Variants in TEX14 observed in about 807,000 individuals in gnomAD.
The protein encoded by TEX14 is testis expressed 14, intercellular bridge forming factor.
Under a neutral mutation model 178.6 loss-of-function variants are expected in TEX14, and 168 were observed. That is an observed-to-expected ratio of 0.94 (90% CI 0.83 to 1.07). The LOEUF (loss-of-function observed/expected upper bound fraction) is 1.07, where lower values mean the gene tolerates loss of function less well. Ranked by LOEUF, TEX14 falls within the 50% of genes least tolerant of loss-of-function variation. The pLI is 0.00. For missense variants in TEX14, 1,730 were observed against 1,753.6 expected (o/e 0.99, Z 0.24); for synonymous variants, 626 against 634.1 (o/e 0.99, Z 0.19).
chr17:58,631,424 G>A (rs1274735682), intron 2 of TEX14, among the ~76,000 whole-genome samples: 3 of 152,004 alleles, frequency 2.0e-5, no homozygotes, highest in Non-Finnish European at 4.4e-5. Context: ...TTGCACTCCA[G>A]GACCACAGAA....
rs1020802020 is a variant in TEX14, at chr17:58,641,350, C to T, written c.136+10516G>A. On this transcript the variant is annotated intron_variant, in intron 2 of 31. Transcript: ENST00000349033. The stretch of plus-strand genomic sequence containing the variant: ...ACTTGAATCTGGGAGGAGGAGGTTG[C>T]GATGAGCCAAGATTGGCCACTGCAC... Among the ~76,000 whole-genome samples, 5 of 151,636 alleles carry T rather than the reference C, an allele frequency of 3.3e-5. No homozygotes were observed. The East Asian group carries it at 5.9e-4, about 18-fold the overall frequency.
chr17:58,614,509 T>G (rs995086364), intron 8 of TEX14, among the ~76,000 whole-genome samples: 1 of 151,900 alleles, frequency 6.6e-6, no homozygotes, highest in African/African-American at 2.4e-5. Flanking sequence ...GCAAAAAAAA[T>G]AGGAAGAAAT....
At chr17:58,629,472 A>AG (rs1458021870) in intron 3 of TEX14, among the ~76,000 whole-genome samples, 1 of 150,406 alleles carries the variant, frequency 6.6e-6, no homozygotes, top group African/African-American at 2.4e-5. Context: ...AAAAAAAAAA[A>AG]AAAAAGTAGA....
chr17:58,630,507 C>T lies in TEX14; in HGVS notation c.184G>A (p.Val62Ile). The part of the protein sequence containing the change: ...VNSLGQTALF[V>I]AALLGLRKFV... ...TTCCTAAGGCCCAATAACGCCGCAA[C>T]AAAAAGTGCTGTTTGGCCCAAGGAG... is the stretch of plus-strand genomic sequence containing the variant. Residue 62 changes from valine (V) to isoleucine (I), a missense_variant, in exon 3 of 32, where the codon GTT becomes ATT. Val to Ile is a conservative substitution (Grantham distance 29). Around this residue, in one of 2 missense-constraint regions of TEX14, gnomAD observed 789 missense variants for 681.2 expected, o/e 1.16. Coordinates refer to ENST00000349033, the MANE Select transcript of TEX14 (RefSeq NM_031272.5). 1 of 1,614,050 alleles carries T rather than the reference C, an allele frequency of 6.2e-7. No homozygotes were observed. The highest frequency in any genetic ancestry group is 8.5e-7 in the Non-Finnish European group (1 of 1,179,980).
chr17:58,644,356 G>A (rs1009344996), intron 2 of TEX14, among the ~76,000 whole-genome samples: 3 of 152,070 alleles, frequency 2.0e-5, no homozygotes, highest in African/African-American at 4.8e-5. Context: ...TTTTTGAGAC[G>A]GAGTCTCGCT....
intron 2 of TEX14, 117 bp downstream of exon 2, chr17:58,651,749 A>T: frequency 1.0e-6 from 1 of 968,726 alleles, no homozygotes; most frequent in Non-Finnish European, 1.5e-6. Flanking sequence ...TAATTTCTAC[A>T]TTTAATTTCT....
chr17:58,573,456 T>C (rs779802418), intron 22 of TEX14, 148 bp from the exon 23 acceptor site: 2 of 698,972 alleles, frequency 2.9e-6, no homozygotes, highest in Non-Finnish European at 4.8e-6. Flanking sequence ...GAACATCTTA[T>C]GTATCTTAAA....
Position 58,629,596 on chromosome 17 carries a change from G to A in TEX14, c.251+844C>T, listed in dbSNP as rs1030879458. Among the ~76,000 whole-genome samples the A allele has an allele frequency of 1.3e-4, 20 of 151,980 alleles. 1 individual carries two copies. Among genetic ancestry groups the A allele is most frequent in the Admixed American group, 7.9e-4 (12 of 15,240 alleles). On this transcript the variant is annotated intron_variant, in intron 3 of 31. Coordinates refer to ENST00000349033, the MANE Select transcript of TEX14 (RefSeq NM_031272.5). ...TCCCAGCACTTTGGGAGGCCAAGGCGGGCAGATCACGAGGTCAGGAGATTG... is the reference window on the plus strand; with the variant it reads ...TCCCAGCACTTTGGGAGGCCAAGGCAGGCAGATCACGAGGTCAGGAGATTG...
At chr17:58,563,552 T>C (rs1158149085) in intron 28 of TEX14, among the ~76,000 whole-genome samples, 1 of 145,632 alleles carries the variant, frequency 6.9e-6, no homozygotes, top group Non-Finnish European at 1.5e-5. Context: ...CTTGGGAGGA[T>C]GGGGCAGGAA....
intron 23 of TEX14, 68 bp from the exon 24 acceptor site, chr17:58,572,194 CTTTG>C (rs2044548956): frequency 1.0e-5 from 13 of 1,275,376 alleles, no homozygotes; most frequent in Middle Eastern, 1.9e-4. Context: ...TCCTTTTTCC[CTTTG>C]TTTTTGTTTT....
intron 1 of TEX14, among the ~76,000 whole-genome samples, chr17:58,667,481 T>C (rs993527088): frequency 1.3e-5 from 2 of 152,184 alleles, no homozygotes; most frequent in African/African-American, 4.8e-5. Context: ...TACTAACAGC[T>C]AACATCTACT....
At chr17:58,560,167 G>GTGCTT (rs1356055688) in intron 29 of TEX14, among the ~76,000 whole-genome samples, 1 of 152,172 alleles carries the variant, frequency 6.6e-6, no homozygotes, top group Middle Eastern at 3.2e-3. Flanking sequence ...CCCTAGCACA[G>GTGCTT]TGCTTTGGAC....
intron 2 of TEX14, among the ~76,000 whole-genome samples, chr17:58,645,138 A>G (rs2046673251): frequency 6.6e-6 from 1 of 150,900 alleles, no homozygotes; most frequent in Non-Finnish European, 1.5e-5. Context: ...GGCCCACGCC[A>G]CCATATCCAG....
intron 1 of TEX14, among the ~76,000 whole-genome samples, chr17:58,672,271 G>A (rs1157107917): frequency 1.3e-5 from 2 of 152,080 alleles, no homozygotes; most frequent in African/African-American, 4.8e-5. Context: ...CCTTCCAGGG[G>A]GTTGGAATCC....
chr17:58,683,374 C>A (rs560904811), intron 1 of TEX14, among the ~76,000 whole-genome samples: 6 of 148,544 alleles, frequency 4.0e-5, no homozygotes, highest in East Asian at 4.0e-4. Flanking sequence ...CTCCATCCCC[C>A]CCCCCAAAAA....
At chr17:58,616,328 A>G (rs1460155405) in intron 6 of TEX14, 23 bp from the exon 7 acceptor site, 1 of 1,606,614 alleles carries the variant, frequency 6.2e-7, no homozygotes, top group East Asian at 2.2e-5. Flanking sequence ...CATAGCCTCA[A>G]ATTATGGGGA....
At chr17:58,573,951 G>A (rs924912641) in intron 22 of TEX14, among the ~76,000 whole-genome samples, 2 of 152,008 alleles carry the variant, frequency 1.3e-5, no homozygotes, top group Non-Finnish European at 2.9e-5. Context: ...TACCTTAAGC[G>A]TAAACTTATT....
At chr17:58,590,991 CA>C (rs2045123169) in intron 15 of TEX14, among the ~76,000 whole-genome samples, 1 of 151,256 alleles carries the variant, frequency 6.6e-6, no homozygotes, top group South Asian at 2.1e-4. Context: ...TTTAAGCACA[CA>C]AAAAGACTAG....
In TEX14 at chr17:58,574,184, T is replaced by TAC; in HGVS notation, c.3383+1_3383+2dup. On this transcript the variant is annotated splice_region_variant and intron_variant, in intron 22 of 31. Coordinates refer to ENST00000349033, the MANE Select transcript of TEX14 (RefSeq NM_031272.5). ...CCCTAGGCATTCTCTTTGGTGATCA[T>TAC]ACATGTCTTTCTCTTTCAGTTCCTT... 1.2e-6 allele frequency: 2 copies of TAC among 1,611,170 alleles called. No individual in the cohort carries two copies. The highest frequency in any genetic ancestry group is 2.7e-5 in the African/African-American group (2 of 74,992).
Sources: allele counts gnomAD v4.1 joint callset (sites outside exome capture counted in the v4.1 genomes callset), GRCh38; gene constraint gnomAD v4.1.1; regional missense constraint gnomAD v4.1.1; transcripts MANE v1.5; gene names NCBI Gene and HGNC (gene_info 2026-07-23, HGNC 2026-07-21).